BCAR3: variants seen among roughly 807,000 people sequenced by gnomAD.
BCAR3 encodes the protein breast cancer anti-estrogen resistance protein 3.
A neutral mutation model predicts 80.1 loss-of-function variants in BCAR3; 37 were observed. The ratio of observed to expected loss-of-function variants is 0.46; its 90% CI spans 0.36 to 0.61. The LOEUF (loss-of-function observed/expected upper bound fraction) is 0.61. BCAR3 is among the 20% of genes least tolerant of loss of function. The probability of loss-of-function intolerance (pLI) is 0.00; values close to 1 mark genes in which losing one functional copy is unlikely to be tolerated. For missense variants in BCAR3, 978 were observed against 1,068.2 expected (o/e 0.92, Z 1.18); for synonymous variants, 389 against 418.9 (o/e 0.93, Z 0.87).
intron 2 of BCAR3, among the ~76,000 whole-genome samples, chr1:93,779,925 TC>T (rs1652710425): frequency 6.6e-6 from 1 of 152,130 alleles, no homozygotes; most frequent in South Asian, 2.1e-4. Context: ...CCTAGGTGAC[TC>T]CGGTTCCTGT....
At chr1:93,566,448 A>C (rs1400390044) in intron 11 of BCAR3, among the ~76,000 whole-genome samples, 2 of 152,184 alleles carry the variant, frequency 1.3e-5, no homozygotes, top group Non-Finnish European at 2.9e-5. Flanking sequence ...ACATCCAGTT[A>C]GCACGGTGCC....
At chr1:93,562,632 G>C (rs1227616481) in intron 11 of BCAR3, among the ~76,000 whole-genome samples, 1 of 151,908 alleles carries the variant, frequency 6.6e-6, no homozygotes, top group African/African-American at 2.4e-5. Flanking sequence ...TTAGCCAGGC[G>C]TGGTGGCGAG....
chr1:93,778,833 G>A (rs1652662988), intron 2 of BCAR3, among the ~76,000 whole-genome samples: 1 of 152,112 alleles, frequency 6.6e-6, no homozygotes, highest in African/African-American at 2.4e-5. Flanking sequence ...CACCTCCCCT[G>A]TTGTGGTTCT....
intron 2 of BCAR3, among the ~76,000 whole-genome samples, chr1:93,841,695 C>G (rs545891162): frequency 5.3e-5 from 8 of 152,328 alleles, no homozygotes; most frequent in African/African-American, 1.9e-4. Flanking sequence ...CCAAGCCTTC[C>G]CCTTTCGGGA....
At chr1:93,588,417 C>A (rs1286771325) in intron 5 of BCAR3, among the ~76,000 whole-genome samples, 1 of 152,124 alleles carries the variant, frequency 6.6e-6, no homozygotes, top group African/African-American at 2.4e-5. Context: ...TCTCTCCTCA[C>A]CCCCGGTACA....
At chr1:93,747,216 G>A (rs977263432) in intron 2 of BCAR3, among the ~76,000 whole-genome samples, 1 of 152,132 alleles carries the variant, frequency 6.6e-6, no homozygotes, top group East Asian at 1.9e-4. Context: ...CTTGGCTCTG[G>A]CAACCAGATG....
intron 8 of BCAR3, among the ~76,000 whole-genome samples, chr1:93,573,342 A>G (rs562657361): frequency 2.0e-5 from 3 of 152,240 alleles, no homozygotes; most frequent in Non-Finnish European, 4.4e-5. Flanking sequence ...GGTTGTAGTG[A>G]GCAGATTGCG....
At chr1:93,785,645 C>T (rs992721509) in intron 2 of BCAR3, among the ~76,000 whole-genome samples, 1 of 152,194 alleles carries the variant, frequency 6.6e-6, no homozygotes, top group African/African-American at 2.4e-5. Flanking sequence ...AGTGAATATG[C>T]ATCATTAATG....
At chr1:93,728,235 G>A (rs1166966646) in intron 2 of BCAR3, among the ~76,000 whole-genome samples, 8 of 152,244 alleles carry the variant, frequency 5.3e-5, no homozygotes, top group East Asian at 1.9e-4. Context: ...CTCGCAGGGC[G>A]TGTGACAGGG....
intron 3 of BCAR3, among the ~76,000 whole-genome samples, chr1:93,628,847 TGGAACA>T: frequency 6.6e-6 from 1 of 152,220 alleles, no homozygotes; most frequent in East Asian, 1.9e-4. Context: ...CCTCAGCCCC[TGGAACA>T]GTGACCAGCA....
At chr1:93,659,730 C>T (rs909787782) in intron 2 of BCAR3, among the ~76,000 whole-genome samples, 1 of 152,044 alleles carries the variant, frequency 6.6e-6, no homozygotes, top group African/African-American at 2.4e-5. Context: ...CCTTACACTC[C>T]AGCAAATTTA....
At chr1:93,827,446 C>T (rs1230866180) in intron 2 of BCAR3, among the ~76,000 whole-genome samples, 1 of 151,954 alleles carries the variant, frequency 6.6e-6, no homozygotes, top group Non-Finnish European at 1.5e-5. Flanking sequence ...GTCTAGCAGA[C>T]TGTGACCCAG....
chr1:93,660,352 T>C (rs1337089210), intron 2 of BCAR3, among the ~76,000 whole-genome samples: 1 of 152,208 alleles, frequency 6.6e-6, no homozygotes, highest in African/African-American at 2.4e-5. Context: ...TTCAAAGTGA[T>C]ACTGTGAGAG....
chr1:93,691,057 A>C (rs968476324), intron 3 of BCAR3, among the ~76,000 whole-genome samples: 1 of 152,238 alleles, frequency 6.6e-6, no homozygotes, highest in Non-Finnish European at 1.5e-5. Flanking sequence ...ATTCTGGGGT[A>C]AAATATCACT....
intron 9 of BCAR3, among the ~76,000 whole-genome samples, chr1:93,568,990 ATTTC>A (rs1385188981): frequency 6.6e-6 from 1 of 152,026 alleles, no homozygotes; most frequent in Non-Finnish European, 1.5e-5. Context: ...CCTGCTACTC[ATTTC>A]TTTTCTTCTG....
At chr1:93,655,703 A>C (rs2101924744) in intron 2 of BCAR3, among the ~76,000 whole-genome samples, 1 of 152,370 alleles carries the variant, frequency 6.6e-6, no homozygotes, top group Admixed American at 6.5e-5. Flanking sequence ...CTGCTGCCAC[A>C]CAACTACTGA....
chr1:93,739,856 G>A (rs1345072561), intron 2 of BCAR3, among the ~76,000 whole-genome samples: 1 of 152,004 alleles, frequency 6.6e-6, no homozygotes, highest in Non-Finnish European at 1.5e-5. Context: ...CCAACATGGT[G>A]AAACCCCGTC....
intron 2 of BCAR3, among the ~76,000 whole-genome samples, chr1:93,708,081 G>T (rs1055947813): frequency 6.6e-6 from 1 of 152,198 alleles, no homozygotes. Flanking sequence ...TGAGTCAGAG[G>T]TTTCAAGAAG....
intron 2 of BCAR3, among the ~76,000 whole-genome samples, chr1:93,803,009 C>T (rs1035496264): frequency 1.3e-5 from 2 of 152,142 alleles, no homozygotes; most frequent in Non-Finnish European, 2.9e-5. Flanking sequence ...TAATCTTCTC[C>T]GTCTCAGGAG....
Sources: gnomAD v4.1 joint callset for allele counts (sites outside exome capture counted in the v4.1 genomes callset) on GRCh38, gnomAD v4.1.1 for gene constraint, MANE v1.5 for transcripts, NCBI Gene and HGNC (gene_info 2026-07-23, HGNC 2026-07-21) for gene names.